Variants in PDE1A observed in about 807,000 individuals in gnomAD.
PDE1A encodes the protein dual specificity calcium/calmodulin-dependent 3',5'-cyclic nucleotide phosphodiesterase 1A.
PDE1A carries 35 observed loss-of-function variants against 61.7 expected under a neutral mutation model. The ratio of observed to expected loss-of-function variants is 0.57; its 90% CI spans 0.43 to 0.75. The LOEUF is 0.75. Ranked by LOEUF, PDE1A falls within the 30% of genes least tolerant of loss-of-function variation. The probability of loss-of-function intolerance (pLI) is 0.00; values close to 1 mark genes in which losing one functional copy is unlikely to be tolerated. For synonymous variants in PDE1A, 232 were observed against 213.2 expected (o/e 1.09, Z -0.77); for missense variants, 597 against 630.6 (o/e 0.95, Z 0.57).
chr2:182,529,813 C>G, the PDE1A span, among the ~76,000 whole-genome samples: 1 of 152,136 alleles, frequency 6.6e-6, no homozygotes, highest in Non-Finnish European at 1.5e-5. Context: ...CTCTTGTCTG[C>G]CACCATATAA....
the PDE1A span, among the ~76,000 whole-genome samples, chr2:182,552,183 T>A: frequency 3.3e-5 from 5 of 152,248 alleles, no homozygotes; most frequent in African/African-American, 9.6e-5. Context: ...ATATTGGGCC[T>A]GAGTATCACT....
upstream of PDE1A, among the ~76,000 whole-genome samples, chr2:182,526,026 C>T (rs890195114): frequency 6.6e-6 from 1 of 152,072 alleles, no homozygotes; most frequent in African/African-American, 2.4e-5. Context: ...GAAATCAATT[C>T]AGGTGAGAAC....
At chr2:182,660,718 C>A in the PDE1A span, among the ~76,000 whole-genome samples, 1 of 152,200 alleles carries the variant, frequency 6.6e-6, no homozygotes, top group Non-Finnish European at 1.5e-5. Context: ...AGAAAGAAAA[C>A]ATGGACATCG....
chr2:182,333,103 A>G (rs999183582), intron 1 of PDE1A, among the ~76,000 whole-genome samples: 1 of 152,196 alleles, frequency 6.6e-6, no homozygotes, highest in Non-Finnish European at 1.5e-5. Context: ...ACATACAAAG[A>G]GATGTAAACT....
At chr2:182,286,091 C>T (rs562828895) in intron 1 of PDE1A, among the ~76,000 whole-genome samples, 21 of 152,136 alleles carry the variant, frequency 1.4e-4, no homozygotes, top group African/African-American at 5.1e-4. Context: ...TAGTATGAGC[C>T]CAATTAATGC....
chr2:182,474,577 T>G (rs1257172064), intron 2 of PDE1A, among the ~76,000 whole-genome samples: 2 of 151,946 alleles, frequency 1.3e-5, no homozygotes, highest in Admixed American at 1.3e-4. Context: ...TTTAAGGATT[T>G]GTGAGAATTA....
At chr2:182,542,741 G>T in the PDE1A span, among the ~76,000 whole-genome samples, 7 of 152,156 alleles carry the variant, frequency 4.6e-5, no homozygotes, top group African/African-American at 1.7e-4. Flanking sequence ...TTTTGGTTAA[G>T]ATGTCCAACT....
chr2:182,501,239 T>G (rs1374986935), intron 2 of PDE1A, among the ~76,000 whole-genome samples: 1 of 152,194 alleles, frequency 6.6e-6, no homozygotes, highest in Non-Finnish European at 1.5e-5. Flanking sequence ...CTTCATTGCA[T>G]GCTTGGCCTG....
At chr2:182,644,610 A>G in the PDE1A span, among the ~76,000 whole-genome samples, 97,799 of 151,876 alleles carry the variant, frequency 0.64, 31,631 homozygotes, top group Admixed American at 0.73. Flanking sequence ...CAATTTTGCC[A>G]AAGTTACTAA....
intron 1 of PDE1A, among the ~76,000 whole-genome samples, chr2:182,393,906 G>C (rs1243065516): frequency 6.6e-6 from 1 of 152,084 alleles, no homozygotes; most frequent in African/African-American, 2.4e-5. Context: ...CAGCATTTTG[G>C]TTAAAGCCAT....
At chr2:182,552,322 C>T in the PDE1A span, among the ~76,000 whole-genome samples, 1 of 152,162 alleles carries the variant, frequency 6.6e-6, no homozygotes, top group Non-Finnish European at 1.5e-5. Flanking sequence ...TTCAGCTCTT[C>T]CTTCACATGC....
intron 1 of PDE1A, among the ~76,000 whole-genome samples, chr2:182,272,727 A>C (rs1471394586): frequency 6.6e-6 from 1 of 152,126 alleles, no homozygotes; most frequent in Non-Finnish European, 1.5e-5. Context: ...GGAACTAATG[A>C]CCAATGGAAC....
At chr2:182,490,667 C>A (rs2125880105) in intron 2 of PDE1A, among the ~76,000 whole-genome samples, 1 of 152,288 alleles carries the variant, frequency 6.6e-6, no homozygotes, top group East Asian at 1.9e-4. Flanking sequence ...GCCACCACGC[C>A]CAGCCAAGAT....
At chr2:182,297,780 C>T (rs1469111360) in intron 1 of PDE1A, among the ~76,000 whole-genome samples, 5 of 152,190 alleles carry the variant, frequency 3.3e-5, no homozygotes, top group Admixed American at 3.3e-4. Context: ...CAGAATCACA[C>T]CTTGATTGGT....
rs557883925 is a variant in PDE1A at position 182,321,821 on chromosome 2, G to A, written c.54-57407C>T. Among the ~76,000 whole-genome samples the A allele has an allele frequency of 1.2e-3, 176 of 152,230 alleles. 7 individuals are homozygous for A. In the South Asian group the frequency reaches 0.034, roughly 29 times the overall value. On this transcript the variant is annotated intron_variant, in intron 1 of 13. Coordinates refer to ENST00000351439, the Ensembl canonical transcript of PDE1A. ...CTCATAGAGCTCTCCAAATTTGCAT[G>A]TTTTATAGCTTTAAGCTTCCACGTA...
At chr2:182,235,342 C>T (rs994288761) in intron 3 of PDE1A, among the ~76,000 whole-genome samples, 1 of 152,158 alleles carries the variant, frequency 6.6e-6, no homozygotes, top group Non-Finnish European at 1.5e-5. Flanking sequence ...CAGGGTTTCA[C>T]CATGTTGGTC....
chr2:182,664,776 C>CA, the PDE1A span, among the ~76,000 whole-genome samples: 1 of 152,086 alleles, frequency 6.6e-6, no homozygotes, highest in African/African-American at 2.4e-5. Flanking sequence ...ACTTCTGGAT[C>CA]AAAAATATCA....
At chr2:182,284,744 C>T (rs1694045703) in intron 1 of PDE1A, among the ~76,000 whole-genome samples, 1 of 151,950 alleles carries the variant, frequency 6.6e-6, no homozygotes, top group African/African-American at 2.4e-5. Flanking sequence ...TTATGCAAGC[C>T]TTTTGTCATC....
intron 13 of PDE1A, among the ~76,000 whole-genome samples, chr2:182,160,352 T>A (rs2125296061): frequency 6.6e-6 from 1 of 152,256 alleles, no homozygotes; most frequent in South Asian, 2.1e-4. Flanking sequence ...GATTGACCCA[T>A]GAGTTAGTGA....
Sources: allele counts gnomAD v4.1 joint callset (sites outside exome capture counted in the v4.1 genomes callset), GRCh38; gene constraint gnomAD v4.1.1; transcripts MANE v1.5; gene names NCBI Gene and HGNC (gene_info 2026-07-23, HGNC 2026-07-21).